Variants in EIF4H observed in about 807,000 individuals in gnomAD.
EIF4H encodes the protein Williams-Beuren syndrome chromosome region 1.
In EIF4H, 8 loss-of-function variants were observed where a neutral mutation model predicts 30.6. That is an observed-to-expected ratio of 0.26 (90% CI 0.15 to 0.47). EIF4H has a LOEUF of 0.47. Ranked by LOEUF, EIF4H falls within the 20% of genes least tolerant of loss-of-function variation. EIF4H has a pLI of 0.99. For missense variants in EIF4H, 188 were observed against 339.5 expected, an observed-to-expected ratio of 0.55 and a Z score of 3.51; for synonymous variants, 106 against 122.7, an observed-to-expected ratio of 0.86 and a Z score of 0.90.
intron 5 of EIF4H, among the ~76,000 whole-genome samples, chr7:74,193,930 CAGTTAA>C (rs746771388): frequency 2.6e-5 from 4 of 152,172 alleles, no homozygotes; most frequent in Admixed American, 6.5e-5. Context: ...GTAGGTTATA[CAGTTAA>C]AGTTTAGCTT....
chr7:74,192,297 C>G (rs1018082506), intron 5 of EIF4H, among the ~76,000 whole-genome samples: 1 of 152,210 alleles, frequency 6.6e-6, no homozygotes, highest in African/African-American at 2.4e-5. Context: ...GTTCACTGAA[C>G]TGTGTAATGT....
intron 1 of EIF4H, among the ~76,000 whole-genome samples, chr7:74,182,022 T>C (rs1800973757): frequency 6.6e-6 from 1 of 152,200 alleles, no homozygotes; most frequent in African/African-American, 2.4e-5. Flanking sequence ...GCCTCTTACA[T>C]ACTTTTCATA....
intron 1 of EIF4H, among the ~76,000 whole-genome samples, chr7:74,185,546 G>A (rs1381044745): frequency 3.9e-5 from 6 of 151,904 alleles, no homozygotes; most frequent in African/African-American, 1.5e-4. Flanking sequence ...TACCGGAATT[G>A]TGAATTATGA....
chr7:74,181,725 T>C (rs1285302793), intron 1 of EIF4H, among the ~76,000 whole-genome samples: 2 of 150,442 alleles, frequency 1.3e-5, no homozygotes, highest in Non-Finnish European at 3.0e-5. Context: ...ATTACAGGTG[T>C]GAGCCACCGA....
intron 2 of EIF4H, among the ~76,000 whole-genome samples, chr7:74,188,499 G>A (rs868980280): frequency 1.3e-5 from 2 of 152,304 alleles, no homozygotes; most frequent in Middle Eastern, 3.4e-3. Flanking sequence ...GGGGCGGGGA[G>A]CTGTGCCAGC....
Position 74,194,749 on chromosome 7 carries a change from G to A in EIF4H, c.478G>A (p.Asp160Asn). The A allele has an allele frequency of 6.3e-7, 1 of 1,586,262 alleles. No homozygotes were observed. Among genetic ancestry groups the A allele is most frequent in the Non-Finnish European group, 8.6e-7 (1 of 1,158,550 alleles). ...TCCTGTTTCTTCCTCAGGCTTCAGG[G>A]ATGACTTCTTAGGGGGCAGGGGAGG... Reference protein sequence around the residue: ...SRDDFNSGFRDDFLGGRGGSR... With the variant: ...SRDDFNSGFRNDFLGGRGGSR... Residue 160 changes from aspartate (D) to asparagine (N), a missense_variant, in exon 6 of 7, where the codon GAT becomes AAT. Around this residue, in one of 4 missense-constraint regions of EIF4H, gnomAD observed 76 missense variants for 85.8 expected, o/e 0.89. Transcript: ENST00000265753.
intron 1 of EIF4H, among the ~76,000 whole-genome samples, chr7:74,185,827 C>T (rs1554709097): frequency 1.3e-5 from 2 of 151,908 alleles, no homozygotes; most frequent in East Asian, 3.8e-4. Context: ...TATTTGAACG[C>T]ATTTCCCGTT....
chr7:74,183,875 GC>G (rs1372306002), intron 1 of EIF4H: 13 of 152,384 alleles, frequency 8.5e-5, no homozygotes, highest in African/African-American at 3.1e-4. Flanking sequence ...TACCTCCATG[GC>G]CCAGCCCTGC....
chr7:74,193,310 T>A (rs1801266631), intron 5 of EIF4H, among the ~76,000 whole-genome samples: 1 of 152,202 alleles, frequency 6.6e-6, no homozygotes, highest in African/African-American at 2.4e-5. Context: ...GTTTTCTGCC[T>A]CAGCTGGGAT....
chr7:74,174,533 G>A, intron 1 of EIF4H, 91 bp downstream of exon 1: 1 of 1,138,668 alleles, frequency 8.8e-7, no homozygotes, highest in Non-Finnish European at 1.1e-6. Flanking sequence ...CTCAGCCGGG[G>A]CGGCGGGAGG....
chr7:74,183,988 T>G (rs1225049553), intron 1 of EIF4H: 1 of 152,202 alleles, frequency 6.6e-6, no homozygotes, highest in African/African-American at 2.4e-5. Context: ...TTAGGACTAC[T>G]TTGGTAATTA....
chr7:74,184,350 C>T (rs977323864), intron 1 of EIF4H, among the ~76,000 whole-genome samples: 1 of 152,154 alleles, frequency 6.6e-6, no homozygotes, highest in Admixed American at 6.5e-5. Context: ...CAAGCCTTCG[C>T]ACCTCCATTT....
rs921388602 is a variant in EIF4H at position 74,190,889 on chromosome 7, C to T, written c.469+583C>T. Among the ~76,000 whole-genome samples the T allele has an allele frequency of 3.9e-5, 6 of 152,222 alleles. No individual in the cohort carries two copies. In the South Asian group the frequency reaches 1.0e-3, roughly 26 times the overall value. On this transcript the variant is annotated intron_variant, in intron 5 of 6. Transcript: ENST00000265753. ...TAAGCATTTTTATCATCTTTACTTT[C>T]TGTTTTTAAATTACAAAAGTATAAT...
rs199767891 is a variant in EIF4H, at chr7:74,185,840, G to GA, written c.60-1762dup. Among the ~76,000 whole-genome samples the GA allele has an allele frequency of 1.1e-3, 170 of 150,386 alleles. 1 individual carries two copies. Among genetic ancestry groups the GA allele is most frequent in the Middle Eastern group, 3.4e-3 (1 of 290 alleles). ...TTTATTTGAACGCATTTCCCGTTTAGAAAAAAAAACTGCAGTTGGCTGCCA... is the reference window on the plus strand; with the variant it reads ...TTTATTTGAACGCATTTCCCGTTTAGAAAAAAAAAACTGCAGTTGGCTGCCA... On this transcript the variant is annotated intron_variant, in intron 1 of 6. Transcript: ENST00000265753.
chr7:74,175,981 C>T (rs1214007820), intron 1 of EIF4H, among the ~76,000 whole-genome samples: 1 of 152,086 alleles, frequency 6.6e-6, no homozygotes, highest in Admixed American at 6.6e-5. Context: ...TTCAAATCTC[C>T]ACAGCAGATG....
intron 3 of EIF4H, 22 bp from the exon 4 acceptor site, chr7:74,189,800 A>T (rs782234093): frequency 1.9e-6 from 3 of 1,613,958 alleles, no homozygotes; most frequent in Non-Finnish European, 2.5e-6. Flanking sequence ...CAATACTTAC[A>T]CTATTTTCCC....
intron 5 of EIF4H, chr7:74,191,272 G>T: frequency 1.9e-6 from 1 of 533,504 alleles, no homozygotes; most frequent in Non-Finnish European, 3.8e-6. Flanking sequence ...GTATAAGCTA[G>T]TCTCTGATTG....
rs1801322964 is a variant in EIF4H at position 74,195,414 on chromosome 7, GCCT to G, written c.*111_*113del. On this transcript the variant is annotated 3_prime_UTR_variant, in exon 7 of 7. Transcript: ENST00000265753. The stretch of plus-strand genomic sequence containing the variant: ...GCCGCCACTCCTGCGCCTGCCATTG[GCCT>G]CCTCACAGCGGAAACACAGCTTGTG... 7.6e-7 allele frequency: 1 copy of G among 1,322,156 alleles called. No individual in the cohort carries two copies. Among genetic ancestry groups the G allele is most frequent in the Non-Finnish European group, 1.0e-6 (1 of 973,308 alleles). 81.9% of individuals were successfully genotyped at this position (1,322,156 alleles called of 1,614,324 possible).
intron 1 of EIF4H, among the ~76,000 whole-genome samples, chr7:74,175,475 A>G (rs1321886300): frequency 6.6e-6 from 1 of 152,140 alleles, no homozygotes; most frequent in African/African-American, 2.4e-5. Context: ...GTAAAGAATG[A>G]TCACTTTTAA....
Sources: allele counts gnomAD v4.1 joint callset (sites outside exome capture counted in the v4.1 genomes callset), GRCh38; gene constraint gnomAD v4.1.1; regional missense constraint gnomAD v4.1.1; transcripts MANE v1.5; gene names NCBI Gene and HGNC (gene_info 2026-07-23, HGNC 2026-07-21).